The following RAP1GAP2 variants were observed in gnomAD, a reference collection of about 807,000 sequenced individuals.
RAP1GAP2 encodes the protein RAP1 GTPase activating protein 2, also known as rap1 GTPase-activating protein 2.
In RAP1GAP2, 27 loss-of-function variants were observed where a neutral mutation model predicts 95.0. The ratio of observed to expected loss-of-function variants is 0.28; its 90% confidence interval spans 0.21 to 0.39. RAP1GAP2 has a LOEUF of 0.39. Among genes scored for constraint, RAP1GAP2 ranks in the 10% least tolerant of loss-of-function variants. RAP1GAP2 has a pLI of 1.00. For missense variants in RAP1GAP2, 771 were observed against 970.0 expected, an observed-to-expected ratio of 0.79 and a Z score of 2.72; for synonymous variants, 373 against 380.9, an observed-to-expected ratio of 0.98 and a Z score of 0.24.
Position 2,905,276 on chromosome 17 carries a change from C to G in RAP1GAP2, c.81-8C>G. 6.2e-7 allele frequency: 1 copy of G among 1,613,518 alleles called. No homozygotes were observed. Among genetic ancestry groups the G allele is most frequent in the Non-Finnish European group, 8.5e-7 (1 of 1,179,564 alleles). ...GGTCCTCACTCACCTCTTTTGGCCT[C>G]TTCACAGGAAGCAGGAGCTGGCCAA... On this transcript the variant is annotated splice_polypyrimidine_tract_variant and splice_region_variant and intron_variant, in intron 2 of 24. Coordinates refer to ENST00000254695, the MANE Select transcript of RAP1GAP2 (RefSeq NM_015085.5).
chr17:3,035,186 G>C lies in RAP1GAP2; in HGVS notation c.*1825G>C, dbSNP rs1486928162. ...TTGTTAGAAGGTCAACAAAATATCT[G>C]TTTAGCTTTTATGAAGAGTCACCGT... On this transcript the variant is annotated 3_prime_UTR_variant, in exon 25 of 25. Coordinates refer to ENST00000254695, the MANE Select transcript of RAP1GAP2 (RefSeq NM_015085.5). The surrounding 1 kb of genome is among the most constrained non-coding windows in gnomAD (Gnocchi z 4.3). 7.2e-5 allele frequency: 11 copies of C among 152,504 alleles called. No homozygotes were observed. Among genetic ancestry groups the C allele is most frequent in the Non-Finnish European group, 1.5e-5 (1 of 68,026 alleles). 9.4% of individuals were successfully genotyped at this position (152,504 alleles called of 1,614,324 possible).
intron 23 of RAP1GAP2, among the ~76,000 whole-genome samples, chr17:3,031,777 C>G (rs1259466795): frequency 1.4e-5 from 2 of 145,620 alleles, no homozygotes; most frequent in African/African-American, 2.6e-5. Flanking sequence ...ATCGAGAGCT[C>G]CAGGTCCAGA....
chr17:3,005,973 T>TTTC lies in RAP1GAP2; in HGVS notation c.1293_1295dup (p.Leu433dup). ...CTTCCAGGGCCCGGAATTCAGGGAG[T>TTTC]TTCTGCTCACCAAGCTCACCAATGC... On this transcript the variant is annotated inframe_insertion, in exon 16 of 25. Coordinates refer to ENST00000254695, the MANE Select transcript of RAP1GAP2 (RefSeq NM_015085.5). The surrounding 1 kb of genome is among the most constrained non-coding windows in gnomAD (Gnocchi z 5.2). 2.5e-6 allele frequency: 4 copies of TTTC among 1,613,688 alleles called. No homozygotes were observed. The highest frequency in any genetic ancestry group is 3.4e-6 in the Non-Finnish European group (4 of 1,179,832).
rs1316107461 is a variant in RAP1GAP2 at position 2,800,634 on chromosome 17, G to C, written c.80+84G>C. 3.6e-6 allele frequency: 5 copies of C among 1,404,032 alleles called. No individual in the cohort carries two copies. The East Asian group carries it at 9.7e-5, about 27-fold the overall frequency. The allele number at this position is 1,404,032 out of a possible 1,614,324, so 87.0% of individuals were successfully genotyped here. A position where few individuals can be genotyped will look rare whatever the true frequency, so the allele number is the denominator to read the frequency against. On this transcript the variant is annotated intron_variant, in intron 2 of 24. Transcript: ENST00000254695. ...CCCTTGCTCCCCCCAGGTTGTGGGA[G>C]ACACAAGAGGGGCTGTCGTGTTTGT...
chr17:2,912,268 C>T (rs1317630607), intron 3 of RAP1GAP2, among the ~76,000 whole-genome samples: 1 of 152,142 alleles, frequency 6.6e-6, no homozygotes, highest in Non-Finnish European at 1.5e-5. Flanking sequence ...ATGGATTACC[C>T]ACCGGCCACC....
In RAP1GAP2 at chr17:3,035,398, C is replaced by T. The variant is rs1213826065; in HGVS notation, c.*2037C>T. The T allele has an allele frequency of 1.3e-5, 2 of 152,286 alleles. No individual in the cohort carries two copies. Among genetic ancestry groups the T allele is most frequent in the African/African-American group, 4.8e-5 (2 of 41,442 alleles). The allele number at this position is 152,286 out of a possible 1,614,324, so 9.4% of individuals were successfully genotyped here. A position where few individuals can be genotyped will look rare whatever the true frequency, so the allele number is the denominator to read the frequency against. On this transcript the variant is annotated 3_prime_UTR_variant, in exon 25 of 25. Coordinates refer to ENST00000254695, the MANE Select transcript of RAP1GAP2 (RefSeq NM_015085.5). The surrounding 1 kb of genome is among the most constrained non-coding windows in gnomAD (Gnocchi z 4.3). Reference sequence around the variant, plus strand: ...GCCGTGTCACATTGCCATCTGGGGTCCTTTGGGGTTTCCAGGTTGTCACCA... The same window carrying T: ...GCCGTGTCACATTGCCATCTGGGGTTCTTTGGGGTTTCCAGGTTGTCACCA...
At chr17:2,765,926 A>G (rs1397053483) in intron 1 of RAP1GAP2, among the ~76,000 whole-genome samples, 1 of 151,810 alleles carries the variant, frequency 6.6e-6, no homozygotes, top group Non-Finnish European at 1.5e-5. Context: ...CCAAGATTGC[A>G]CCACTGCACT....
chr17:2,889,519 C>T (rs1380494959), intron 2 of RAP1GAP2, among the ~76,000 whole-genome samples: 1 of 152,062 alleles, frequency 6.6e-6, no homozygotes, highest in East Asian at 1.9e-4. Context: ...CGGCTGAGCC[C>T]TCTTTCTGAA....
At chr17:2,896,851 G>A (rs534092106) in intron 2 of RAP1GAP2, among the ~76,000 whole-genome samples, 85 of 152,336 alleles carry the variant, frequency 5.6e-4, no homozygotes, top group Middle Eastern at 3.4e-3. Flanking sequence ...AGTCTGGCCC[G>A]GGCCTCCCCT....
At chr17:2,848,094 T>C (rs1329255497) in intron 2 of RAP1GAP2, among the ~76,000 whole-genome samples, 1 of 152,146 alleles carries the variant, frequency 6.6e-6, no homozygotes, top group Non-Finnish European at 1.5e-5. Context: ...GTCGGCAGGG[T>C]TCTGATTGAC....
Position 3,037,111 on chromosome 17 carries a change from T to G in RAP1GAP2, c.*3750T>G, listed in dbSNP as rs2047485449. On this transcript the variant is annotated 3_prime_UTR_variant, in exon 25 of 25. Transcript: ENST00000254695. ...GGGGTATTCTTTTACCAAACTCTGTTTTACCGCCAGCCCCTTGTACACCCC... is the reference window on the plus strand; with the variant it reads ...GGGGTATTCTTTTACCAAACTCTGTGTTACCGCCAGCCCCTTGTACACCCC... The G allele has an allele frequency of 6.6e-6, 1 of 152,472 alleles. No individual in the cohort carries two copies. The allele number at this position is 152,472 out of a possible 1,614,324, so 9.4% of individuals were successfully genotyped here. A position where few individuals can be genotyped will look rare whatever the true frequency, so the allele number is the denominator to read the frequency against.
intron 2 of RAP1GAP2, among the ~76,000 whole-genome samples, chr17:2,886,176 T>G (rs868150763): frequency 1.5e-4 from 21 of 141,594 alleles, no homozygotes; most frequent in Non-Finnish European, 2.5e-4. Context: ...TATATATTTT[T>G]TTTTTTTTTT....
At chr17:2,912,865 A>G (rs888679802) in intron 3 of RAP1GAP2, among the ~76,000 whole-genome samples, 1 of 152,140 alleles carries the variant, frequency 6.6e-6, no homozygotes, top group Non-Finnish European at 1.5e-5. Flanking sequence ...TGAGGATGCT[A>G]ACTAGGAGGC....
chr17:2,871,407 A>G lies in RAP1GAP2; in HGVS notation c.81-33877A>G, dbSNP rs2072839346. On this transcript the variant is annotated intron_variant, in intron 2 of 24. Coordinates refer to ENST00000254695, the MANE Select transcript of RAP1GAP2 (RefSeq NM_015085.5). This position sits in a 1 kb window ranked among gnomAD's most constrained non-coding sequence, Gnocchi z 5.0. ...CCTATGTGCAGGGGTGGGAGCGGGG[A>G]GCCATGATTGGCCCAGGGAGAGTCA... Among the ~76,000 whole-genome samples the G allele has an allele frequency of 6.6e-6, 1 of 152,012 alleles. No individual in the cohort carries two copies. Among genetic ancestry groups the G allele is most frequent in the African/African-American group, 2.4e-5 (1 of 41,364 alleles).
chr17:2,936,490 T>C (rs1290525125), intron 3 of RAP1GAP2, among the ~76,000 whole-genome samples: 1 of 151,754 alleles, frequency 6.6e-6, no homozygotes, highest in Non-Finnish European at 1.5e-5. Context: ...CCTCTTCCTC[T>C]CCTTCCTCCC....
Position 3,008,034 on chromosome 17 carries a change from G to A in RAP1GAP2, c.1383G>A (p.Leu461=). ...AGGACCGGACCAGGGCTGCCCTCCTGGACAACCTTCACGATGAGCTCCACG... is the reference window on the plus strand; with the variant it reads ...AGGACCGGACCAGGGCTGCCCTCCTAGACAACCTTCACGATGAGCTCCACG... ...KLEDRTRAAL[L]DNLHDELHAH... is the part of the protein sequence containing the mutation. Residue 461 remains leucine, a synonymous_variant, in exon 17 of 25, where the codon CTG becomes CTA. Coordinates refer to ENST00000254695, the MANE Select transcript of RAP1GAP2 (RefSeq NM_015085.5). The surrounding 1 kb of genome is among the most constrained non-coding windows in gnomAD (Gnocchi z 4.2). 1.2e-6 allele frequency: 2 copies of A among 1,613,938 alleles called. No homozygotes were observed. The highest frequency in any genetic ancestry group is 3.3e-4 in the Middle Eastern group (2 of 6,058).
At chr17:2,887,795 C>T (rs186592214) in intron 2 of RAP1GAP2, among the ~76,000 whole-genome samples, 4 of 152,134 alleles carry the variant, frequency 2.6e-5, no homozygotes, top group Non-Finnish European at 5.9e-5. Flanking sequence ...CTGCCTCAGC[C>T]TCCCGAGTAC....
At chr17:3,010,336 C>CAAAAAAAAAAAA (rs1179623628) in intron 17 of RAP1GAP2, among the ~76,000 whole-genome samples, 1 of 70,276 alleles carries the variant, frequency 1.4e-5, no homozygotes, top group African/African-American at 5.5e-5. Context: ...GAGACTGTCT[C>CAAAAAAAAAAAA]AAAAAAAAAA....
intron 2 of RAP1GAP2, among the ~76,000 whole-genome samples, chr17:2,770,663 A>G (rs900955070): frequency 1.3e-5 from 2 of 152,224 alleles, no homozygotes; most frequent in African/African-American, 4.8e-5. Flanking sequence ...TTTCTCCTCT[A>G]TAAAACGGAT....
Sources: allele counts gnomAD v4.1 joint callset (sites outside exome capture counted in the v4.1 genomes callset), GRCh38; gene constraint gnomAD v4.1.1; non-coding constraint Gnocchi (gnomAD v3.1); transcripts MANE v1.5; gene names NCBI Gene and HGNC (gene_info 2026-07-23, HGNC 2026-07-21).